DNAJC11: variants seen among roughly 807,000 people sequenced by gnomAD.
DNAJC11 encodes the protein DnaJ heat shock protein family (Hsp40) member C11.
In DNAJC11, 15 loss-of-function variants were observed where a neutral mutation model predicts 78.6. The observed-to-expected ratio is 0.19, with a 90% confidence interval of 0.13 to 0.29. The LOEUF (loss-of-function observed/expected upper bound fraction) is 0.29, where lower values mean the gene tolerates loss of function less well. Ranked by LOEUF, DNAJC11 falls within the 10% of genes least tolerant of loss-of-function variation. The pLI is 1.00. For missense variants in DNAJC11, 547 were observed against 709.6 expected (o/e 0.77, Z 2.60); for synonymous variants, 292 against 272.1 (o/e 1.07, Z -0.72).
chr1:6,640,051 G>A lies in DNAJC11; in HGVS notation c.1104C>T (p.Asn368=), dbSNP rs759310641. 13 of 1,124,784 alleles carry A rather than the reference G, an allele frequency of 1.2e-5. No homozygotes were observed. Among genetic ancestry groups the A allele is most frequent in the African/African-American group, 1.8e-5 (1 of 57,126 alleles). The allele number at this position is 1,124,784 out of a possible 1,614,324, so 69.7% of individuals were successfully genotyped here. ...GGAAGAAGTATGTCTGACTGGCCCTGTTGAGCCTGGGGAAAAATACAAAAA... is the reference window on the plus strand; with the variant it reads ...GGAAGAAGTATGTCTGACTGGCCCTATTGAGCCTGGGGAAAAATACAAAAA... The part of the protein sequence containing the change: ...PQGVSLKVKL[N]RASQTYFFPI... The change falls in exon 11 of 16, where the codon AAC becomes AAT. Residue 368 remains asparagine (N), a synonymous_variant. Coordinates refer to ENST00000377577, the MANE Select transcript of DNAJC11 (RefSeq NM_018198.4).
chr1:6,649,269 A>T (rs1482700171), intron 7 of DNAJC11, among the ~76,000 whole-genome samples: 5 of 151,424 alleles, frequency 3.3e-5, no homozygotes, highest in African/African-American at 1.2e-4. Flanking sequence ...TCCTGGGTTC[A>T]CGCCATTCTC....
intron 1 of DNAJC11, among the ~76,000 whole-genome samples, chr1:6,689,595 T>A (rs1642711439): frequency 6.6e-6 from 1 of 151,950 alleles, no homozygotes; most frequent in South Asian, 2.1e-4. Context: ...CCAGACCAGC[T>A]TGACCAACAT....
Position 6,651,717 on chromosome 1 carries a change from A to AG in DNAJC11, c.631-116dup, listed in dbSNP as rs1642057230. ...CTTCATTCAATTCACTGGTCTTGCC[A>AG]GGGCTCTAAAAGAAGGGGGTGGAAG... On this transcript the variant is annotated intron_variant, in intron 6 of 15. Coordinates refer to ENST00000377577, the MANE Select transcript of DNAJC11 (RefSeq NM_018198.4). 7.8e-6 allele frequency: 6 copies of AG among 772,824 alleles called. No individual in the cohort carries two copies. In the East Asian group the frequency reaches 1.6e-4, roughly 21 times the overall value. The allele number at this position is 772,824 out of a possible 1,614,324, so 47.9% of individuals were successfully genotyped here.
In DNAJC11 at chr1:6,634,912, G is replaced by A. The variant is rs1001263963; in HGVS notation, c.*763C>T. The A allele has an allele frequency of 3.3e-5, 39 of 1,171,534 alleles. No individual in the cohort carries two copies. The highest frequency in any genetic ancestry group is 3.9e-5 in the Non-Finnish European group (36 of 923,586). The allele number at this position is 1,171,534 out of a possible 1,614,324, so 72.6% of individuals were successfully genotyped here. A position where few individuals can be genotyped will look rare whatever the true frequency, so the allele number is the denominator to read the frequency against. On this transcript the variant is annotated 3_prime_UTR_variant, in exon 16 of 16. Transcript: ENST00000377577. ...CAGCACTGCACTCTGGAGGTGGGTG[G>A]TGCAGGCGGTGGAGGGACACAGGCC...
intron 10 of DNAJC11, among the ~76,000 whole-genome samples, chr1:6,640,870 T>G (rs570018819): frequency 6.6e-6 from 1 of 152,114 alleles, no homozygotes; most frequent in East Asian, 1.9e-4. Context: ...TTTAATATAT[T>G]GGTAATTAGA....
At chr1:6,669,016 A>ATGTTTCTCTACTAAAAATACATTTT (rs1453080918) in intron 3 of DNAJC11, among the ~76,000 whole-genome samples, 2 of 150,866 alleles carry the variant, frequency 1.3e-5, no homozygotes, top group African/African-American at 4.9e-5. Context: ...GCGAAACACC[A>ATGTTTCTCTACTAAAAATACATTTT]TCTCTACTAA....
chr1:6,684,961 G>C lies in DNAJC11; in HGVS notation c.73-3924C>G, dbSNP rs561790066. ...CAAAATATCTTCTCCTACCACAAGAGGATGAAGTCAGAAGTCAATAACAGG... is the reference window on the plus strand; with the variant it reads ...CAAAATATCTTCTCCTACCACAAGACGATGAAGTCAGAAGTCAATAACAGG... On this transcript the variant is annotated intron_variant, in intron 1 of 15. Coordinates refer to ENST00000377577, the MANE Select transcript of DNAJC11 (RefSeq NM_018198.4). 1.1e-4 allele frequency among the ~76,000 whole-genome samples: 16 copies of C among 152,244 alleles called. 1 individual carries two copies. In the South Asian group the frequency reaches 2.7e-3, roughly 26 times the overall value.
chr1:6,682,755 C>T (rs1642574045), intron 1 of DNAJC11, among the ~76,000 whole-genome samples: 1 of 152,154 alleles, frequency 6.6e-6, no homozygotes, highest in Non-Finnish European at 1.5e-5. Flanking sequence ...TGGCGAAACC[C>T]CATATCTACC....
chr1:6,701,566 G>A (rs1642929465), intron 1 of DNAJC11, among the ~76,000 whole-genome samples, 163 bp downstream of exon 1: 1 of 151,960 alleles, frequency 6.6e-6, no homozygotes, highest in African/African-American at 2.4e-5. Context: ...GGGCGGTGGG[G>A]ACGCCTCCAT....
Position 6,634,981 on chromosome 1 carries a change from G to T in DNAJC11, c.*694C>A. On this transcript the variant is annotated 3_prime_UTR_variant, in exon 16 of 16. Coordinates refer to ENST00000377577, the MANE Select transcript of DNAJC11 (RefSeq NM_018198.4). The stretch of plus-strand genomic sequence containing the variant: ...GCAGGGCGTTTTCCCACCGGGATAC[G>T]GGAAGCCACCTGTGTCAGGGCTAGG... 1.2e-5 allele frequency: 9 copies of T among 779,646 alleles called. No homozygotes were observed. The highest frequency in any genetic ancestry group is 1.6e-5 in the Non-Finnish European group (9 of 577,136). 48.3% of individuals were successfully genotyped at this position (779,646 alleles called of 1,614,324 possible). A position where few individuals can be genotyped will look rare whatever the true frequency, so the allele number is the denominator to read the frequency against.
chr1:6,639,399 G>T (rs1641839473), intron 11 of DNAJC11, among the ~76,000 whole-genome samples: 1 of 150,324 alleles, frequency 6.7e-6, no homozygotes, highest in Admixed American at 6.7e-5. Flanking sequence ...GCGCAATCTA[G>T]GCTCACTGCA....
At chr1:6,662,121 G>GCT (rs1642223625) in intron 4 of DNAJC11, among the ~76,000 whole-genome samples, 1 of 48,190 alleles carries the variant, frequency 2.1e-5, no homozygotes, top group African/African-American at 6.1e-5. Context: ...CCAGTTAATT[G>GCT]TTTTTTGTTT....
In DNAJC11 at chr1:6,674,655, G is replaced by T. The variant is rs543377266; in HGVS notation, c.276+3739C>A. 4.8e-4 allele frequency among the ~76,000 whole-genome samples: 73 copies of T among 152,154 alleles called. 1 individual carries two copies. The highest frequency in any genetic ancestry group is 1.8e-3 in the African/African-American group (73 of 41,514). On this transcript the variant is annotated intron_variant, in intron 3 of 15. Transcript: ENST00000377577. Reference sequence around the variant, plus strand: ...GAGGTGGGAGGATGGCCTGAGCTGGGAGATCGAGACTGCAGTAAGCCACGA... The same window carrying T: ...GAGGTGGGAGGATGGCCTGAGCTGGTAGATCGAGACTGCAGTAAGCCACGA...
At chr1:6,643,011 C>A (rs992875235) in intron 10 of DNAJC11, among the ~76,000 whole-genome samples, 1 of 152,058 alleles carries the variant, frequency 6.6e-6, no homozygotes, top group African/African-American at 2.4e-5. Flanking sequence ...AGACAGCAGC[C>A]ATCTGGTACG....
intron 4 of DNAJC11, among the ~76,000 whole-genome samples, chr1:6,662,346 A>G (rs1642229566): frequency 6.6e-6 from 1 of 151,904 alleles, no homozygotes; most frequent in South Asian, 2.1e-4. Flanking sequence ...GGCGCCTGCC[A>G]CCACGCCTGG....
At chr1:6,637,632 G>A in intron 12 of DNAJC11, 128 bp from the exon 13 acceptor site, 1 of 1,043,112 alleles carries the variant, frequency 9.6e-7, no homozygotes, top group Non-Finnish European at 1.4e-6. Context: ...GGAAGGGAGT[G>A]GGCACCCTGA....
chr1:6,644,974 C>T, intron 9 of DNAJC11, 67 bp downstream of exon 9: 1 of 1,438,240 alleles, frequency 7.0e-7, no homozygotes, highest in East Asian at 2.3e-5. Context: ...CTTACACCAA[C>T]TGGTTCCACT....
In DNAJC11 at chr1:6,634,669, A is replaced by G. The variant is rs752394189; in HGVS notation, c.*1006T>C. ...GTGGAGGGGGTCCTAGCTCCGCTGC[A>G]TTCTGCATCCCAAGTGGGCACGTGG... is the stretch of plus-strand genomic sequence containing the variant. On this transcript the variant is annotated 3_prime_UTR_variant, in exon 16 of 16. Transcript: ENST00000377577. 7.3e-7 allele frequency: 1 copy of G among 1,366,398 alleles called. No individual in the cohort carries two copies. The highest frequency in any genetic ancestry group is 4.5e-5 in the East Asian group (1 of 21,980). The allele number at this position is 1,366,398 out of a possible 1,614,324, so 84.6% of individuals were successfully genotyped here. A position where few individuals can be genotyped will look rare whatever the true frequency, so the allele number is the denominator to read the frequency against.
intron 3 of DNAJC11, chr1:6,668,153 T>C (rs894054904): frequency 8.8e-6 from 2 of 228,004 alleles, no homozygotes; most frequent in African/African-American, 2.3e-5. Flanking sequence ...TTTTTTCTTT[T>C]TTGAGACGGA....
Sources: gnomAD v4.1 joint callset for allele counts (sites outside exome capture counted in the v4.1 genomes callset) on GRCh38, gnomAD v4.1.1 for gene constraint, MANE v1.5 for transcripts, NCBI Gene and HGNC (gene_info 2026-07-23, HGNC 2026-07-21) for gene names.